Variants in C8A observed in about 807,000 individuals in gnomAD.
C8A encodes the protein complement C8 alpha chain.
C8A carries 67 observed loss-of-function variants against 65.3 expected under a neutral mutation model. The observed-to-expected ratio is 1.03, with a 90% CI of 0.84 to 1.26. The LOEUF (loss-of-function observed/expected upper bound fraction) is 1.26, where lower values mean the gene tolerates loss of function less well. C8A is among the 50% of genes most tolerant of loss of function. The pLI is 0.00. For missense variants in C8A, 781 were observed against 723.9 expected (o/e 1.08, Z -0.90); for synonymous variants, 290 against 259.4 (o/e 1.12, Z -1.13).
chr1:56,875,047 T>G lies in C8A; in HGVS notation c.270T>G (p.Cys90Trp). Residue 90 changes from cysteine (C) to tryptophan (W), a missense_variant, in exon 3 of 11, where the codon TGT becomes TGG. Transcript: ENST00000361249. ...CCAGCTGCTCCAGTTCTACAACTTG[T>G]GTAAGGCAAGCACAGTGTGGACAGG... ...DQASCSSSTT[C>W]VRQAQCGQDF... 1 of 1,613,736 alleles carries G rather than the reference T, an allele frequency of 6.2e-7. No homozygotes were observed. The highest frequency in any genetic ancestry group is 2.2e-5 in the East Asian group (1 of 44,844).
chr1:56,870,498 A>G (rs1298599966), intron 2 of C8A, among the ~76,000 whole-genome samples: 1 of 151,978 alleles, frequency 6.6e-6, no homozygotes, highest in Non-Finnish European at 1.5e-5. Flanking sequence ...TCTTCTTACA[A>G]AGACACTGTG....
At chr1:56,906,866 C>A in intron 8 of C8A, 74 bp downstream of exon 8, 1 of 1,580,544 alleles carries the variant, frequency 6.3e-7, no homozygotes, top group South Asian at 1.1e-5. Flanking sequence ...GACATGGAAG[C>A]TATTTTTTTT....
Position 56,874,970 on chromosome 1 carries a change from C to A in C8A, c.193C>A (p.Gln65Lys), listed in dbSNP as rs147022920. Reference sequence around the variant, plus strand: ...TTAGTACCGACACCGGAGCCTCTTGCAGCCAAACAAGTTTGGGGGAACCAT... The same window carrying A: ...TTAGTACCGACACCGGAGCCTCTTGAAGCCAAACAAGTTTGGGGGAACCAT... ...DKKYRHRSLL[Q>K]PNKFGGTICS... The change falls in exon 3 of 11, where the codon CAG (glutamine) becomes AAG (lysine). Residue 65 changes from glutamine (Q) to lysine (K), a missense_variant. Gln to Lys is a moderately conservative substitution (Grantham distance 53, BLOSUM62 1). Coordinates refer to ENST00000361249, the MANE Select transcript of C8A (RefSeq NM_000562.3). The A allele has an allele frequency of 3.4e-5, 55 of 1,613,586 alleles. No individual in the cohort carries two copies. Among genetic ancestry groups the A allele is most frequent in the Middle Eastern group, 1.7e-4 (1 of 6,050 alleles).
chr1:56,897,672 A>G (rs1439177534), intron 7 of C8A, among the ~76,000 whole-genome samples: 2 of 152,188 alleles, frequency 1.3e-5, no homozygotes, highest in Non-Finnish European at 2.9e-5. Flanking sequence ...ACATTTATAT[A>G]TCATGGCTGG....
At chr1:56,884,518 C>G (rs556387549) in intron 6 of C8A, among the ~76,000 whole-genome samples, 3 of 152,298 alleles carry the variant, frequency 2.0e-5, no homozygotes, top group Admixed American at 1.3e-4. Context: ...AATCAACTTA[C>G]TCAACACACA....
intron 2 of C8A, 122 bp from the exon 3 acceptor site, chr1:56,874,827 C>A: frequency 2.8e-6 from 3 of 1,088,236 alleles, no homozygotes; most frequent in Non-Finnish European, 4.1e-6. Flanking sequence ...AAGACAGCTT[C>A]ACAGGCAGGT....
intron 7 of C8A, among the ~76,000 whole-genome samples, chr1:56,900,763 C>G (rs1042149606): frequency 6.6e-6 from 1 of 152,182 alleles, no homozygotes; most frequent in African/African-American, 2.4e-5. Context: ...CAGCCAATCC[C>G]CAAGCCCTCC....
At chr1:56,894,975 C>G (rs997296875) in intron 7 of C8A, among the ~76,000 whole-genome samples, 1 of 152,106 alleles carries the variant, frequency 6.6e-6, no homozygotes, top group Non-Finnish European at 1.5e-5. Flanking sequence ...ATAACATCTA[C>G]TATTTGTAGA....
At chr1:56,901,424 GA>G (rs1319329082) in intron 7 of C8A, among the ~76,000 whole-genome samples, 1 of 152,136 alleles carries the variant, frequency 6.6e-6, no homozygotes, top group East Asian at 1.9e-4. Flanking sequence ...CAGACATGCA[GA>G]AGCTCCATGG....
In C8A at chr1:56,854,901, G is replaced by A; in HGVS notation, c.-1G>A. On this transcript the variant is annotated 5_prime_UTR_variant, in exon 1 of 11. Transcript: ENST00000361249. ...ATATAGTGCGGTGGCTTCTGGCTGA[G>A]ATGTTTGCTGTTGTTTTCTTCATCT... 6.2e-7 allele frequency: 1 copy of A among 1,613,270 alleles called. No individual in the cohort carries two copies. The highest frequency in any genetic ancestry group is 1.3e-5 in the African/African-American group (1 of 75,024).
chr1:56,873,450 C>T (rs116492694), intron 2 of C8A, among the ~76,000 whole-genome samples: 138 of 152,210 alleles, frequency 9.1e-4, no homozygotes, highest in African/African-American at 3.3e-3. Context: ...AAAATCTGGG[C>T]CCTGAACCCA....
intron 1 of C8A, among the ~76,000 whole-genome samples, chr1:56,863,910 C>A (rs1217509432): frequency 7.4e-6 from 1 of 135,730 alleles, no homozygotes; most frequent in Non-Finnish European, 1.6e-5. Flanking sequence ...TTCCTTTCTT[C>A]CTTCCTTTTT....
Position 56,917,846 on chromosome 1 carries a change from AG to A in C8A, c.*132del. ...TTTTTTCTTTGTTCTGCCAGCTTCC[AG>A]GCCTAAGACTAGGTTTTGCTGTCTA... On this transcript the variant is annotated 3_prime_UTR_variant, in exon 11 of 11. Transcript: ENST00000361249. 1 of 1,157,302 alleles carries A rather than the reference AG, an allele frequency of 8.6e-7. No individual in the cohort carries two copies. The highest frequency in any genetic ancestry group is 1.3e-6 in the Non-Finnish European group (1 of 799,952). The allele number at this position is 1,157,302 out of a possible 1,614,324, so 71.7% of individuals were successfully genotyped here.
chr1:56,915,023 T>C (rs752421698), intron 10 of C8A, among the ~76,000 whole-genome samples: 5 of 152,226 alleles, frequency 3.3e-5, no homozygotes, highest in Non-Finnish European at 5.9e-5. Context: ...GGGCATACCC[T>C]GTAAAATGAG....
intron 7 of C8A, among the ~76,000 whole-genome samples, chr1:56,893,392 T>C (rs1332122903): frequency 2.0e-5 from 3 of 152,184 alleles, no homozygotes; most frequent in African/African-American, 7.2e-5. Context: ...GTCCACACTT[T>C]GAAGTCAGAT....
At chr1:56,885,177 G>T (rs1644279489) in intron 6 of C8A, among the ~76,000 whole-genome samples, 1 of 150,854 alleles carries the variant, frequency 6.6e-6, no homozygotes, top group African/African-American at 2.4e-5. Flanking sequence ...GGAGGTGTGG[G>T]GGAAGTCTGG....
intron 10 of C8A, among the ~76,000 whole-genome samples, chr1:56,916,790 ACTCAGGCGGAG>A (rs138125408): frequency 0.037 from 5,673 of 152,274 alleles, 194 homozygotes; most frequent in South Asian, 0.11. Flanking sequence ...AGCATCCAAA[ACTCAGGCGGAG>A]CCCCAGGCTA....
chr1:56,865,624 GA>G (rs1426740017), intron 1 of C8A, among the ~76,000 whole-genome samples: 3 of 152,220 alleles, frequency 2.0e-5, no homozygotes, highest in African/African-American at 7.2e-5. Context: ...TTTTCTTGAT[GA>G]AAAAACTACC....
intron 1 of C8A, among the ~76,000 whole-genome samples, chr1:56,859,672 C>T (rs988325677): frequency 6.6e-6 from 1 of 152,062 alleles, no homozygotes; most frequent in Non-Finnish European, 1.5e-5. Flanking sequence ...TACATGTATG[C>T]TAGGTGTTAG....
Sources: allele counts gnomAD v4.1 joint callset (sites outside exome capture counted in the v4.1 genomes callset), GRCh38; gene constraint gnomAD v4.1.1; transcripts MANE v1.5; gene names NCBI Gene and HGNC (gene_info 2026-07-23, HGNC 2026-07-21).